The following ATG16L1 variants were observed in gnomAD, a reference collection of about 807,000 sequenced individuals.
ATG16L1 encodes the protein autophagy related 16 like 1, also known as autophagy-related protein 16-1.
Under a neutral mutation model 88.5 loss-of-function variants are expected in ATG16L1, and 37 were observed. The ratio of observed to expected loss-of-function variants is 0.42; its 90% CI spans 0.32 to 0.55. ATG16L1 has a LOEUF of 0.55. Among genes scored for constraint, ATG16L1 ranks in the 20% least tolerant of loss-of-function variants. ATG16L1 has a pLI of 0.13. For missense variants in ATG16L1, 554 were observed against 752.8 expected (o/e 0.74, Z 3.09); for synonymous variants, 301 against 281.0 (o/e 1.07, Z -0.71).
intron 1 of ATG16L1, among the ~76,000 whole-genome samples, chr2:233,254,406 C>T (rs1459306340): frequency 6.6e-6 from 1 of 152,196 alleles, no homozygotes; most frequent in Non-Finnish European, 1.5e-5. Context: ...GAAACACCTT[C>T]ATTCCACTCA....
intron 12 of ATG16L1, among the ~76,000 whole-genome samples, chr2:233,289,408 T>TGTGTGTGTGA (rs144316394): frequency 2.0e-5 from 3 of 149,536 alleles, no homozygotes; most frequent in Admixed American, 1.3e-4. Flanking sequence ...TGTGTGTGTG[T>TGTGTGTGTGA]GACAGGATCT....
At chr2:233,261,156 C>T (rs542339541) in intron 2 of ATG16L1, among the ~76,000 whole-genome samples, 4 of 152,102 alleles carry the variant, frequency 2.6e-5, no homozygotes, top group Admixed American at 1.3e-4. Context: ...GGGATTTCAC[C>T]GTGTTAGCCA....
chr2:233,256,253 C>T (rs756058011), intron 2 of ATG16L1, 58 bp downstream of exon 2: 2 of 1,390,014 alleles, frequency 1.4e-6, no homozygotes, highest in East Asian at 2.3e-5. Flanking sequence ...TATCTCAGTT[C>T]AGTTGTCACT....
At chr2:233,275,204 G>T (rs1360333425) in intron 9 of ATG16L1, among the ~76,000 whole-genome samples, 1 of 152,166 alleles carries the variant, frequency 6.6e-6, no homozygotes, top group African/African-American at 2.4e-5. Flanking sequence ...CAGCCATTAG[G>T]GGTCTATGAC....
chr2:233,277,716 A>G, intron 10 of ATG16L1, 43 bp downstream of exon 10: 10 of 1,554,038 alleles, frequency 6.4e-6, no homozygotes, highest in Non-Finnish European at 8.0e-6. Flanking sequence ...ACTTGAGATG[A>G]TGCACCCTTG....
intron 5 of ATG16L1, chr2:233,266,290 C>G (rs1166730320): frequency 6.6e-6 from 1 of 152,122 alleles, no homozygotes; most frequent in Non-Finnish European, 1.5e-5. Flanking sequence ...GAGACTCCAT[C>G]TGTACAAAAA....
Position 233,294,466 on chromosome 2 carries a change from C to T in ATG16L1, c.*116C>T. 1 of 709,020 alleles carries T rather than the reference C, an allele frequency of 1.4e-6. No homozygotes were observed. Among genetic ancestry groups the T allele is most frequent in the Middle Eastern group, 3.1e-4 (1 of 3,204 alleles). The allele number at this position is 709,020 out of a possible 1,614,324, so 43.9% of individuals were successfully genotyped here. On this transcript the variant is annotated 3_prime_UTR_variant, in exon 18 of 18. Transcript: ENST00000392017. ...GTATAGCATGGACCTCCCAGAGAAG[C>T]TCAAGCTATGTGGCACTGTAGCTTT...
chr2:233,287,689 C>G (rs1699176930), intron 12 of ATG16L1, among the ~76,000 whole-genome samples: 2 of 152,128 alleles, frequency 1.3e-5, no homozygotes, highest in South Asian at 4.1e-4. Context: ...ACTAGCCTGG[C>G]CAACATGGTA....
At chr2:233,265,281 T>G (rs2125227366) in intron 5 of ATG16L1, 138 bp downstream of exon 5, 1 of 1,092,880 alleles carries the variant, frequency 9.2e-7, no homozygotes, top group Non-Finnish European at 1.3e-6. Flanking sequence ...GGAGAAAAGC[T>G]AATTCTGAAC....
At chr2:233,286,621 C>CATTT (rs34087184) in intron 12 of ATG16L1, among the ~76,000 whole-genome samples, 13 of 93,286 alleles carry the variant, frequency 1.4e-4, no homozygotes, top group South Asian at 8.7e-4. Context: ...GAAGCCCAAA[C>CATTT]TTTTTTTTTT....
At chr2:233,257,480 G>C (rs1696873988) in intron 2 of ATG16L1, among the ~76,000 whole-genome samples, 1 of 152,116 alleles carries the variant, frequency 6.6e-6, no homozygotes, top group African/African-American at 2.4e-5. Context: ...TTATAAAATA[G>C]GCTTTGTGTT....
In ATG16L1 at chr2:233,278,152, C is replaced by G. The variant is rs1233451818; in HGVS notation, c.1060+479C>G. Among the ~76,000 whole-genome samples the G allele has an allele frequency of 2.0e-5, 3 of 152,198 alleles. No homozygotes were observed. The South Asian group carries it at 6.2e-4, about 32-fold the overall frequency. Reference sequence around the variant, plus strand: ...AGCTTGAGGAAACAGAGGCGTACTACCTAGAAAAGATGTATTTAACAGTGT... The same window carrying G: ...AGCTTGAGGAAACAGAGGCGTACTAGCTAGAAAAGATGTATTTAACAGTGT... On this transcript the variant is annotated intron_variant, in intron 10 of 17. Coordinates refer to ENST00000392017, the MANE Select transcript of ATG16L1 (RefSeq NM_030803.7).
Position 233,273,692 on chromosome 2 carries a change from G to T in ATG16L1, c.795-29G>T, listed in dbSNP as rs569382385. On this transcript the variant is annotated intron_variant, in intron 7 of 17. Transcript: ENST00000392017. ...ATTATTTGGGCAAAATGTTTCTAAG[G>T]TTTAAACCTATCCTCCCCTCCTCTT... The T allele has an allele frequency of 2.8e-5, 45 of 1,611,210 alleles. No homozygotes were observed. In the South Asian group the frequency reaches 4.6e-4, roughly 17 times the overall value.
At chr2:233,267,339 ACT>A (rs1697673925) in intron 5 of ATG16L1, among the ~76,000 whole-genome samples, 2 of 152,344 alleles carry the variant, frequency 1.3e-5, no homozygotes, top group South Asian at 4.1e-4. Context: ...GCAGAGCAAG[ACT>A]CTGCCTCAAA....
chr2:233,255,923 A>G (rs1696747201), intron 1 of ATG16L1, among the ~76,000 whole-genome samples, 179 bp from the exon 2 acceptor site: 1 of 152,218 alleles, frequency 6.6e-6, no homozygotes, highest in South Asian at 2.1e-4. Flanking sequence ...TCTGGGGTAG[A>G]AAGCATTTTC....
chr2:233,283,718 G>A (rs180787110), intron 12 of ATG16L1, among the ~76,000 whole-genome samples: 401 of 151,816 alleles, frequency 2.6e-3, no homozygotes, highest in African/African-American at 9.1e-3. Context: ...TATATTTTTA[G>A]TAGAGATGGG....
At position 233,295,341 on chromosome 2, in the gene ATG16L1, A is replaced by C. The variant is rs1048490687; in HGVS notation, c.*991A>C. 2.0e-5 allele frequency: 3 copies of C among 152,816 alleles called. No individual in the cohort carries two copies. The highest frequency in any genetic ancestry group is 7.2e-5 in the African/African-American group (3 of 41,470). The allele number at this position is 152,816 out of a possible 1,614,324, so 9.5% of individuals were successfully genotyped here. On this transcript the variant is annotated 3_prime_UTR_variant, in exon 18 of 18. Transcript: ENST00000392017. Reference sequence around the variant, plus strand: ...CTATTTTACCTACGTATAAAGTTTTAGTTCATTGGGTGTGCGAAACACCCT... The same window carrying C: ...CTATTTTACCTACGTATAAAGTTTTCGTTCATTGGGTGTGCGAAACACCCT...
rs149990930 is a variant in ATG16L1 at position 233,290,757 on chromosome 2, G to A, written c.1430+404G>A. 4.6e-5 allele frequency among the ~76,000 whole-genome samples: 7 copies of A among 152,302 alleles called. No individual in the cohort carries two copies. In the East Asian group the frequency reaches 1.4e-3, roughly 29 times the overall value. Reference sequence around the variant, plus strand: ...CGGAGACGTGAGTAGGATTCACACGGCAGGAAAGCCACTCAAACTTTTGAG... The same window carrying A: ...CGGAGACGTGAGTAGGATTCACACGACAGGAAAGCCACTCAAACTTTTGAG... On this transcript the variant is annotated intron_variant, in intron 14 of 17. Transcript: ENST00000392017.
chr2:233,258,011 A>AG (rs1696920818), intron 2 of ATG16L1, among the ~76,000 whole-genome samples: 1 of 115,140 alleles, frequency 8.7e-6, no homozygotes, highest in Non-Finnish European at 2.0e-5. Flanking sequence ...CAAAAAAAAA[A>AG]AAAAAATATC....
Sources: gnomAD v4.1 joint callset for allele counts (sites outside exome capture counted in the v4.1 genomes callset) on GRCh38, gnomAD v4.1.1 for gene constraint, MANE v1.5 for transcripts, NCBI Gene and HGNC (gene_info 2026-07-23, HGNC 2026-07-21) for gene names.